KAZN: variants seen among roughly 807,000 people sequenced by gnomAD.
KAZN encodes the protein kazrin, periplakin interacting protein.
KAZN carries 40 observed loss-of-function variants against 87.4 expected under a neutral mutation model. The observed-to-expected ratio is 0.46, with a 90% CI of 0.36 to 0.60. The LOEUF is 0.60. Among genes scored for constraint, KAZN ranks in the 20% least tolerant of loss-of-function variants. The probability of loss-of-function intolerance (pLI) is 0.00; values close to 1 mark genes in which losing one functional copy is unlikely to be tolerated. For missense variants in KAZN, 898 were observed against 1,073.9 expected (o/e 0.84, Z 2.29); for synonymous variants, 466 against 458.3 (o/e 1.02, Z -0.22).
chr1:14,010,494 G>T (rs1362977585), intron 1 of KAZN, among the ~76,000 whole-genome samples: 1 of 152,202 alleles, frequency 6.6e-6, no homozygotes, highest in Non-Finnish European at 1.5e-5. Flanking sequence ...TTCAGCAGAA[G>T]TATTTCTTGG....
At chr1:14,343,371 C>T (rs1657882960) in intron 2 of KAZN, among the ~76,000 whole-genome samples, 1 of 152,118 alleles carries the variant, frequency 6.6e-6, no homozygotes, top group Non-Finnish European at 1.5e-5. Flanking sequence ...AAAATTGGCA[C>T]AAATAAATGG....
chr1:14,563,408 G>A (rs1160221278), intron 2 of KAZN, among the ~76,000 whole-genome samples: 2 of 152,116 alleles, frequency 1.3e-5, no homozygotes, highest in East Asian at 1.9e-4. Context: ...CTCCAGTCAG[G>A]CCTTTCCCTA....
At chr1:14,234,199 C>T (rs1351805216) in intron 2 of KAZN, among the ~76,000 whole-genome samples, 2 of 152,140 alleles carry the variant, frequency 1.3e-5, no homozygotes, top group Non-Finnish European at 2.9e-5. Context: ...AACATATATA[C>T]CATGGAATAC....
chr1:14,913,188 G>A (rs1280564628), intron 1 of KAZN, among the ~76,000 whole-genome samples: 1 of 152,166 alleles, frequency 6.6e-6, no homozygotes, highest in Non-Finnish European at 1.5e-5. Context: ...TGTTTCAGGG[G>A]GAGTTGGGAT....
At chr1:14,662,981 A>T (rs972206322) in intron 1 of KAZN, among the ~76,000 whole-genome samples, 65 of 144,580 alleles carry the variant, frequency 4.5e-4, no homozygotes, top group Non-Finnish European at 4.9e-4. Context: ...ATATATATAT[A>T]TTTTAGAGAG....
At chr1:13,976,926 A>T (rs1024216506) in intron 1 of KAZN, among the ~76,000 whole-genome samples, 20 of 152,144 alleles carry the variant, frequency 1.3e-4, no homozygotes, top group African/African-American at 4.8e-4. Context: ...TACTTAATGA[A>T]TCCTTTTCAT....
intron 1 of KAZN, among the ~76,000 whole-genome samples, chr1:13,988,234 A>G (rs1303645875): frequency 6.6e-6 from 1 of 152,210 alleles, no homozygotes; most frequent in Non-Finnish European, 1.5e-5. Flanking sequence ...TGAATAGGTG[A>G]GAAAGACCAG....
chr1:15,067,135 T>C, intron 8 of KAZN: 16 of 985,768 alleles, frequency 1.6e-5, no homozygotes, highest in Non-Finnish European at 1.9e-5. Context: ...GGGTTTAGGA[T>C]GCAGGTGGGC....
chr1:14,548,006 A>G lies in KAZN; in HGVS notation c.250-50977A>G, dbSNP rs944325132. Among the ~76,000 whole-genome samples, 13 of 151,742 alleles carry G rather than the reference A, an allele frequency of 8.6e-5. No homozygotes were observed. The East Asian group carries it at 9.7e-4, about 11-fold the overall frequency. On this transcript the variant is annotated intron_variant, in intron 2 of 16. Transcript: ENST00000636203. ...GAAGAAGAATTGTCTTGGGCCACACATAAAATACACTAATGATAGGTGATG... is the reference window on the plus strand; with the variant it reads ...GAAGAAGAATTGTCTTGGGCCACACGTAAAATACACTAATGATAGGTGATG...
At chr1:14,510,340 T>C (rs2148443855) in intron 2 of KAZN, among the ~76,000 whole-genome samples, 1 of 150,088 alleles carries the variant, frequency 6.7e-6, no homozygotes, top group South Asian at 2.1e-4. Flanking sequence ...ATGGCGCCAT[T>C]GCACTCCAGC....
chr1:14,754,428 T>G (rs1644500744), intron 1 of KAZN, among the ~76,000 whole-genome samples: 1 of 151,304 alleles, frequency 6.6e-6, no homozygotes. Flanking sequence ...AGGTCAGGAG[T>G]TCAAGACCAG....
intron 1 of KAZN, among the ~76,000 whole-genome samples, chr1:14,046,633 T>C (rs1642085453): frequency 6.6e-6 from 1 of 152,206 alleles, no homozygotes; most frequent in South Asian, 2.1e-4. Context: ...AGACAGTCCC[T>C]GCACTCTCAT....
At chr1:14,181,282 G>A (rs1024678516) in intron 2 of KAZN, among the ~76,000 whole-genome samples, 1 of 152,176 alleles carries the variant, frequency 6.6e-6, no homozygotes, top group Non-Finnish European at 1.5e-5. Flanking sequence ...TCAGTGTCGG[G>A]AAATGTTTCA....
chr1:14,499,052 T>C (rs1466631298), intron 2 of KAZN, among the ~76,000 whole-genome samples: 2 of 152,168 alleles, frequency 1.3e-5, no homozygotes, highest in African/African-American at 4.8e-5. Flanking sequence ...ATTGCTTTTC[T>C]GCCAAGATCC....
At chr1:14,782,071 A>G (rs1381701938) in intron 1 of KAZN, among the ~76,000 whole-genome samples, 1 of 152,226 alleles carries the variant, frequency 6.6e-6, no homozygotes, top group African/African-American at 2.4e-5. Flanking sequence ...AAGGTTTACA[A>G]TAGTGTCTGG....
intron 1 of KAZN, among the ~76,000 whole-genome samples, chr1:13,946,806 A>AT (rs1641162269): frequency 6.6e-6 from 1 of 152,158 alleles, no homozygotes; most frequent in Non-Finnish European, 1.5e-5. Context: ...CCTGTAAATG[A>AT]TGCCTCATAT....
At chr1:14,630,659 T>C (rs2148658444) in intron 1 of KAZN, among the ~76,000 whole-genome samples, 1 of 152,182 alleles carries the variant, frequency 6.6e-6, no homozygotes, top group East Asian at 1.9e-4. Context: ...TGTATATAAA[T>C]GTAAGGCATG....
intron 2 of KAZN, among the ~76,000 whole-genome samples, chr1:14,430,779 A>T (rs1223727397): frequency 1.3e-5 from 2 of 152,266 alleles, no homozygotes; most frequent in African/African-American, 4.8e-5. Flanking sequence ...CAGAGAGGAC[A>T]GGTATCGAGC....
chr1:14,348,538 C>T (rs1458814406), intron 2 of KAZN, among the ~76,000 whole-genome samples: 5 of 152,156 alleles, frequency 3.3e-5, no homozygotes, highest in Non-Finnish European at 5.9e-5. Context: ...GGGATTTGCA[C>T]GTTGGCATGC....
Sources: gnomAD v4.1 joint callset for allele counts (sites outside exome capture counted in the v4.1 genomes callset) on GRCh38, gnomAD v4.1.1 for gene constraint, MANE v1.5 for transcripts, NCBI Gene and HGNC (gene_info 2026-07-23, HGNC 2026-07-21) for gene names.